HECW2: variants seen among roughly 807,000 people sequenced by gnomAD.
The protein encoded by HECW2 is E3 ubiquitin-protein ligase HECW2.
Under a neutral mutation model 175.2 loss-of-function variants are expected in HECW2, and 61 were observed. The observed-to-expected ratio is 0.35, with a 90% CI of 0.28 to 0.43. The LOEUF (loss-of-function observed/expected upper bound fraction) is 0.43. Among genes scored for constraint, HECW2 ranks in the 20% least tolerant of loss-of-function variants. HECW2 has a pLI of 1.00. For missense variants in HECW2, 1,524 were observed against 2,000.5 expected, an observed-to-expected ratio of 0.76 and a Z score of 4.54; for synonymous variants, 671 against 731.0, an observed-to-expected ratio of 0.92 and a Z score of 1.32.
intron 19 of HECW2, among the ~76,000 whole-genome samples, chr2:196,246,751 T>C (rs906756615): frequency 1.3e-5 from 2 of 152,138 alleles, no homozygotes; most frequent in Admixed American, 6.6e-5. Context: ...TAACTACTCC[T>C]ATATAATTTG....
At chr2:196,450,028 G>GAC (rs1696298042) in intron 1 of HECW2, among the ~76,000 whole-genome samples, 1 of 152,142 alleles carries the variant, frequency 6.6e-6, no homozygotes, top group Non-Finnish European at 1.5e-5. Context: ...CAAGTATGGG[G>GAC]GCCTTGGTGG....
intron 17 of HECW2, among the ~76,000 whole-genome samples, chr2:196,262,370 G>A (rs1689330098): frequency 6.6e-6 from 1 of 152,068 alleles, no homozygotes; most frequent in Admixed American, 6.5e-5. Context: ...AACCTCAGTG[G>A]TAATATAATG....
chr2:196,279,739 A>G (rs1690116589), intron 14 of HECW2, among the ~76,000 whole-genome samples: 1 of 152,132 alleles, frequency 6.6e-6, no homozygotes, highest in African/African-American at 2.4e-5. Flanking sequence ...ACACACCCAT[A>G]CAAACTCATC....
intron 2 of HECW2, among the ~76,000 whole-genome samples, chr2:196,360,088 G>A (rs777509569): frequency 6.6e-6 from 1 of 152,136 alleles, no homozygotes; most frequent in Non-Finnish European, 1.5e-5. Context: ...CTAGGCAACA[G>A]AGAGAGACCC....
intron 2 of HECW2, among the ~76,000 whole-genome samples, chr2:196,354,803 A>G (rs1401636404): frequency 6.6e-6 from 1 of 152,178 alleles, no homozygotes; most frequent in Non-Finnish European, 1.5e-5. Flanking sequence ...ATTCATCCAC[A>G]CTGCTGATGT....
chr2:196,528,932 C>T (rs1688756544), intron 1 of HECW2, among the ~76,000 whole-genome samples: 1 of 152,242 alleles, frequency 6.6e-6, no homozygotes, highest in South Asian at 2.1e-4. Context: ...TTAAATGAGA[C>T]TTCCTTTATC....
intron 2 of HECW2, among the ~76,000 whole-genome samples, chr2:196,425,778 T>C (rs1695529113): frequency 6.6e-6 from 1 of 152,104 alleles, no homozygotes; most frequent in Admixed American, 6.6e-5. Flanking sequence ...TGAACATTGT[T>C]AAAATTACAA....
intron 19 of HECW2, among the ~76,000 whole-genome samples, chr2:196,252,134 G>A (rs900107723): frequency 2.1e-4 from 31 of 150,652 alleles, no homozygotes; most frequent in Non-Finnish European, 3.2e-4. Context: ...GGGAGATCAC[G>A]CCACTGCACT....
chr2:196,276,359 G>T (rs759837633), intron 15 of HECW2, among the ~76,000 whole-genome samples: 1 of 152,150 alleles, frequency 6.6e-6, no homozygotes, highest in Non-Finnish European at 1.5e-5. Flanking sequence ...ATCCCTTAGG[G>T]TCCCTCTCTC....
chr2:196,382,400 T>C (rs559995875), intron 2 of HECW2, among the ~76,000 whole-genome samples: 57 of 152,160 alleles, frequency 3.7e-4, no homozygotes, highest in Non-Finnish European at 6.9e-4. Flanking sequence ...CTTCTTTGCA[T>C]TTAGAAAGTT....
rs138137112 is a variant in HECW2 at position 196,235,087 on chromosome 2, G to C, written c.3764+5362C>G. ...AAAGTATTTGTATTTATAGACTCTA[G>C]GATTATTTTTGTATTTTTTTTTTGT... On this transcript the variant is annotated intron_variant, in intron 21 of 28. Transcript: ENST00000644978. Among the ~76,000 whole-genome samples, 989 of 144,554 alleles carry C rather than the reference G, an allele frequency of 6.8e-3. 4 individuals are homozygous for C. The highest frequency in any genetic ancestry group is 0.017 in the Admixed American group (222 of 13,334). The allele number at this position is 144,554 out of a possible 152,430, so 94.8% of individuals were successfully genotyped here. A position where few individuals can be genotyped will look rare whatever the true frequency, so the allele number is the denominator to read the frequency against.
intron 1 of HECW2, among the ~76,000 whole-genome samples, chr2:196,588,014 A>G (rs1691050019): frequency 6.6e-6 from 1 of 152,118 alleles, no homozygotes; most frequent in Admixed American, 6.5e-5. Context: ...GTATTAAGCA[A>G]CTTCTCTTAC....
intron 6 of HECW2, among the ~76,000 whole-genome samples, 190 bp downstream of exon 6, chr2:196,324,790 A>G (rs1692083107): frequency 6.6e-6 from 1 of 152,120 alleles, no homozygotes; most frequent in Non-Finnish European, 1.5e-5. Flanking sequence ...CCCTGATGTG[A>G]CAGCTTCATT....
intron 2 of HECW2, among the ~76,000 whole-genome samples, chr2:196,363,257 T>C (rs978962904): frequency 6.6e-6 from 1 of 152,052 alleles, no homozygotes; most frequent in African/African-American, 2.4e-5. Flanking sequence ...CAGGGACACA[T>C]AGAAGATGCT....
Position 196,319,264 on chromosome 2 carries a change from A to G in HECW2, c.1626T>C (p.Pro542=). 3 of 1,605,550 alleles carry G rather than the reference A, an allele frequency of 1.9e-6. No individual in the cohort carries two copies. The highest frequency in any genetic ancestry group is 2.6e-6 in the Non-Finnish European group (3 of 1,176,286). ...CACCTTCCTCTGGGGCTGGGCCTGC[A>G]GGTAAGGAGCTCTCTGCAAGCTCTG... The part of the protein sequence containing the change: ...NLPELAESSL[P]AGPAPEEGEG... Residue 542 remains proline, a synonymous_variant, in exon 9 of 29, where the codon CCT becomes CCC. Transcript: ENST00000644978.
chr2:196,554,156 C>A (rs1345484651), intron 1 of HECW2, among the ~76,000 whole-genome samples: 8 of 152,022 alleles, frequency 5.3e-5, no homozygotes, highest in African/African-American at 1.9e-4. Flanking sequence ...GAAACCCCGT[C>A]TCTACTAAAA....
chr2:196,504,925 T>C (rs1687704893), intron 1 of HECW2, among the ~76,000 whole-genome samples: 1 of 152,100 alleles, frequency 6.6e-6, no homozygotes, highest in Non-Finnish European at 1.5e-5. Context: ...AGCAAGGTAC[T>C]CAAGACCACA....
chr2:196,421,093 T>C (rs997555988), intron 2 of HECW2, among the ~76,000 whole-genome samples: 1 of 152,094 alleles, frequency 6.6e-6, no homozygotes. Flanking sequence ...CAAGCAAATA[T>C]GCTCAGGAAG....
chr2:196,369,842 G>A (rs891996441), intron 2 of HECW2, among the ~76,000 whole-genome samples: 8 of 152,064 alleles, frequency 5.3e-5, no homozygotes, highest in African/African-American at 1.9e-4. Context: ...GGCTACTACT[G>A]ATATTCATTC....
Sources: allele counts gnomAD v4.1 joint callset (sites outside exome capture counted in the v4.1 genomes callset), GRCh38; gene constraint gnomAD v4.1.1; transcripts MANE v1.5; gene names NCBI Gene and HGNC (gene_info 2026-07-23, HGNC 2026-07-21).